The following CTNNA3 variants were observed in gnomAD, a reference collection of about 807,000 sequenced individuals.
CTNNA3 encodes catenin alpha-3.
CTNNA3 carries 76 observed loss-of-function variants against 95.7 expected under a neutral mutation model. That is an observed-to-expected ratio of 0.79 (90% CI 0.66 to 0.96). The LOEUF (loss-of-function observed/expected upper bound fraction) is 0.96, where lower values mean the gene tolerates loss of function less well. CTNNA3 is among the 40% of genes least tolerant of loss of function. The probability of loss-of-function intolerance (pLI) is 0.00; values close to 1 mark genes in which losing one functional copy is unlikely to be tolerated. For missense variants in CTNNA3, 1,191 were observed against 1,089.8 expected, an observed-to-expected ratio of 1.09 and a Z score of -1.31; for synonymous variants, 431 against 374.4, an observed-to-expected ratio of 1.15 and a Z score of -1.74.
chr10:66,669,379 A>G (rs1846576585), intron 9 of CTNNA3, among the ~76,000 whole-genome samples: 1 of 151,998 alleles, frequency 6.6e-6, no homozygotes, highest in Admixed American at 6.6e-5. Flanking sequence ...CCCCATCTCT[A>G]CTAAAAATAC....
At chr10:66,840,358 TCTCTCTCTCTCTCTCACA>T (rs1339475050) in intron 7 of CTNNA3, among the ~76,000 whole-genome samples, 48 of 123,200 alleles carry the variant, frequency 3.9e-4, no homozygotes, top group African/African-American at 1.4e-3. Context: ...TCTCTCTCTC[TCTCTCTCTCTCTCTCACA>T]CACACACACA....
At chr10:66,943,025 A>G (rs1848092418) in intron 7 of CTNNA3, among the ~76,000 whole-genome samples, 1 of 152,202 alleles carries the variant, frequency 6.6e-6, no homozygotes, top group Non-Finnish European at 1.5e-5. Context: ...AGGGCAAGGG[A>G]TATCAGAAAT....
chr10:67,368,780 C>T (rs552604803), intron 5 of CTNNA3, among the ~76,000 whole-genome samples: 2 of 152,138 alleles, frequency 1.3e-5, no homozygotes, highest in East Asian at 3.9e-4. Context: ...TATATAATTC[C>T]ATGTCTATAA....
chr10:67,363,714 G>GA (rs1843088483), intron 5 of CTNNA3, among the ~76,000 whole-genome samples: 1 of 152,082 alleles, frequency 6.6e-6, no homozygotes, highest in African/African-American at 2.4e-5. Flanking sequence ...AAATAAACTA[G>GA]AAAATCTAGA....
chr10:66,083,413 C>T (rs981767672), intron 14 of CTNNA3, among the ~76,000 whole-genome samples: 6 of 152,170 alleles, frequency 3.9e-5, no homozygotes, highest in Non-Finnish European at 8.8e-5. Context: ...TTGAGTATTT[C>T]TTCCTAATTA....
chr10:66,289,429 T>A (rs943940207), intron 12 of CTNNA3, among the ~76,000 whole-genome samples: 1 of 151,670 alleles, frequency 6.6e-6, no homozygotes, highest in African/African-American at 2.4e-5. Context: ...CTCCTACTAT[T>A]ACACCCAATA....
intron 7 of CTNNA3, among the ~76,000 whole-genome samples, chr10:66,857,449 T>C (rs1161805599): frequency 6.6e-6 from 1 of 152,070 alleles, no homozygotes; most frequent in East Asian, 1.9e-4. Flanking sequence ...GTGAAGAATG[T>C]TTTTGGTAGT....
At chr10:66,867,895 C>CAAAAAA (rs74889073) in intron 7 of CTNNA3, among the ~76,000 whole-genome samples, 8 of 132,180 alleles carry the variant, frequency 6.1e-5, no homozygotes, top group Admixed American at 5.4e-4. Context: ...AAGGCACTAC[C>CAAAAAA]AAAAAAAAAA....
At chr10:67,733,643 G>A (rs907896031) in intron 1 of CTNNA3, among the ~76,000 whole-genome samples, 1 of 152,128 alleles carries the variant, frequency 6.6e-6, no homozygotes, top group African/African-American at 2.4e-5. Flanking sequence ...ACTGGAGCAT[G>A]TTCCCTTGGA....
At chr10:66,098,203 G>A (rs2081477354) in intron 14 of CTNNA3, 1 of 152,110 alleles carries the variant, frequency 6.6e-6, no homozygotes, top group African/African-American at 2.4e-5. Flanking sequence ...TTCTAGTACA[G>A]CAATTTATAA....
chr10:67,186,483 C>T (rs1862855047), intron 6 of CTNNA3, among the ~76,000 whole-genome samples: 1 of 152,180 alleles, frequency 6.6e-6, no homozygotes. Context: ...CACCTATAGG[C>T]AGGTCTCTTG....
At chr10:66,451,206 GTGAGT>G (rs2093461588) in intron 11 of CTNNA3, among the ~76,000 whole-genome samples, 1 of 152,136 alleles carries the variant, frequency 6.6e-6, no homozygotes, top group Non-Finnish European at 1.5e-5. Context: ...TTTTAGTTGT[GTGAGT>G]TAAGACAAGA....
At chr10:66,296,089 C>A (rs1313953689) in intron 12 of CTNNA3, among the ~76,000 whole-genome samples, 1 of 152,076 alleles carries the variant, frequency 6.6e-6, no homozygotes, top group Non-Finnish European at 1.5e-5. Flanking sequence ...TTTACACTTT[C>A]TATTTTTACT....
chr10:66,552,550 T>C (rs968735158), intron 10 of CTNNA3, among the ~76,000 whole-genome samples: 4 of 152,182 alleles, frequency 2.6e-5, no homozygotes, highest in African/African-American at 9.7e-5. Context: ...CATATTCAGT[T>C]CTGATCCATG....
At chr10:66,346,844 G>A (rs1454075064) in intron 12 of CTNNA3, among the ~76,000 whole-genome samples, 1 of 151,988 alleles carries the variant, frequency 6.6e-6, no homozygotes, top group Admixed American at 6.6e-5. Flanking sequence ...GTAACCAAGT[G>A]TGAAAGACAT....
intron 7 of CTNNA3, among the ~76,000 whole-genome samples, chr10:67,122,313 C>T (rs1483201448): frequency 1.3e-5 from 2 of 150,998 alleles, no homozygotes; most frequent in Non-Finnish European, 2.9e-5. Flanking sequence ...ACCCTTTGTC[C>T]AAAAAAAGAT....
chr10:66,962,043 C>T (rs1016326001), intron 7 of CTNNA3, among the ~76,000 whole-genome samples: 1 of 152,100 alleles, frequency 6.6e-6, no homozygotes, highest in Non-Finnish European at 1.5e-5. Context: ...TTTAAGCCAC[C>T]GTTATTCCTG....
At chr10:66,200,197 T>C (rs2087305572) in intron 13 of CTNNA3, among the ~76,000 whole-genome samples, 1 of 149,260 alleles carries the variant, frequency 6.7e-6, no homozygotes, top group Non-Finnish European at 1.5e-5. Flanking sequence ...TGAAAGTGGT[T>C]TCATGGAGAA....
chr10:65,926,158 A>G (rs2077166071), intron 17 of CTNNA3, among the ~76,000 whole-genome samples: 1 of 151,370 alleles, frequency 6.6e-6, no homozygotes, highest in South Asian at 2.1e-4. Flanking sequence ...ATCAAATCAC[A>G]TTTATAAGAT....
Sources: allele counts gnomAD v4.1 joint callset (sites outside exome capture counted in the v4.1 genomes callset), GRCh38; gene constraint gnomAD v4.1.1; transcripts MANE v1.5; gene names NCBI Gene and HGNC (gene_info 2026-07-23, HGNC 2026-07-21).